Variants in EXOC4 observed in about 807,000 individuals in gnomAD.
EXOC4 encodes the protein SEC8-like 1.
In EXOC4, 71 loss-of-function variants were observed where a neutral mutation model predicts 107.2. The ratio of observed to expected loss-of-function variants is 0.66; its 90% confidence interval spans 0.55 to 0.81. The LOEUF is 0.81. EXOC4 is among the 30% of genes least tolerant of loss of function. The pLI, the probability that EXOC4 is intolerant of heterozygous loss-of-function variation, is 0.00. For missense variants in EXOC4, 1,108 were observed against 1,189.6 expected, an observed-to-expected ratio of 0.93 and a Z score of 1.01; for synonymous variants, 456 against 441.2, an observed-to-expected ratio of 1.03 and a Z score of -0.42.
In EXOC4 at chr7:133,817,909, C is replaced by G. The variant is rs1797413281; in HGVS notation, c.1734+365C>G. ...TTAACAGGAAGGAAGCTATGATGCCCAACTTCAATTACCAGCAGGAAACCC... is the reference window on the plus strand; with the variant it reads ...TTAACAGGAAGGAAGCTATGATGCCGAACTTCAATTACCAGCAGGAAACCC... On this transcript the variant is annotated intron_variant, in intron 11 of 17. Transcript: ENST00000253861. Among the ~76,000 whole-genome samples the G allele has an allele frequency of 2.0e-5, 3 of 152,108 alleles. No homozygotes were observed. The South Asian group carries it at 6.2e-4, about 32-fold the overall frequency.
chr7:133,681,501 C>T (rs1322956149), intron 10 of EXOC4, among the ~76,000 whole-genome samples: 1 of 152,158 alleles, frequency 6.6e-6, no homozygotes, highest in East Asian at 1.9e-4. Context: ...CGAAGCAAAG[C>T]AAATTCCTTA....
chr7:133,789,550 G>A (rs1233886469), intron 10 of EXOC4, among the ~76,000 whole-genome samples: 1 of 152,188 alleles, frequency 6.6e-6, no homozygotes. Flanking sequence ...GACTGGGTGA[G>A]GATTTGAAAG....
intron 17 of EXOC4, among the ~76,000 whole-genome samples, chr7:134,046,853 G>A (rs1416651675): frequency 6.6e-6 from 1 of 152,154 alleles, no homozygotes; most frequent in Non-Finnish European, 1.5e-5. Flanking sequence ...TCAGGGGAGT[G>A]GGGCGGGCTG....
At chr7:133,918,124 C>T (rs946871148) in intron 13 of EXOC4, among the ~76,000 whole-genome samples, 7 of 147,742 alleles carry the variant, frequency 4.7e-5, no homozygotes, top group Non-Finnish European at 7.4e-5. Flanking sequence ...CTGGGACTAC[C>T]GGTGCCCACC....
At chr7:133,588,724 C>G (rs1801466031) in intron 9 of EXOC4, among the ~76,000 whole-genome samples, 3 of 152,088 alleles carry the variant, frequency 2.0e-5, no homozygotes, top group Admixed American at 2.0e-4. Context: ...AAAACCCTGT[C>G]TCTACTAAAA....
intron 10 of EXOC4, among the ~76,000 whole-genome samples, chr7:133,812,175 C>T (rs1192882645): frequency 1.3e-5 from 2 of 152,080 alleles, no homozygotes; most frequent in African/African-American, 4.8e-5. Flanking sequence ...CAATATTTCA[C>T]ACTTTCCTCT....
At chr7:133,671,824 T>C (rs1359702956) in intron 10 of EXOC4, among the ~76,000 whole-genome samples, 1 of 152,078 alleles carries the variant, frequency 6.6e-6, no homozygotes, top group African/African-American at 2.4e-5. Flanking sequence ...ACAATGGAAA[T>C]GTAATTTCAG....
At chr7:133,861,693 C>G (rs374966436) in intron 11 of EXOC4, among the ~76,000 whole-genome samples, 37 of 152,146 alleles carry the variant, frequency 2.4e-4, no homozygotes, top group Admixed American at 2.0e-4. Flanking sequence ...GCCACCATGC[C>G]TGGCTAATTT....
At chr7:133,420,059 C>T (rs1438672434) in intron 7 of EXOC4, among the ~76,000 whole-genome samples, 6 of 145,118 alleles carry the variant, frequency 4.1e-5, no homozygotes, top group Admixed American at 2.1e-4. Flanking sequence ...CATGCTGGTG[C>T]GCTGCACCCA....
intron 9 of EXOC4, among the ~76,000 whole-genome samples, chr7:133,565,906 A>G (rs796651731): frequency 3.3e-5 from 5 of 152,306 alleles, no homozygotes; most frequent in African/African-American, 1.2e-4. Flanking sequence ...TATGTTGACA[A>G]TCATTTACAA....
At chr7:133,295,409 T>C (rs150704514) in intron 3 of EXOC4, among the ~76,000 whole-genome samples, 1 of 152,262 alleles carries the variant, frequency 6.6e-6, no homozygotes, top group East Asian at 1.9e-4. Flanking sequence ...ATTAAAAATA[T>C]GTTCATAGGG....
At chr7:133,392,809 A>G (rs892988282) in intron 7 of EXOC4, among the ~76,000 whole-genome samples, 1 of 152,194 alleles carries the variant, frequency 6.6e-6, no homozygotes, top group Non-Finnish European at 1.5e-5. Flanking sequence ...GTTCATTACA[A>G]ATGGTCTGTA....
the EXOC4 span, among the ~76,000 whole-genome samples, chr7:134,096,102 G>C: frequency 6.6e-6 from 1 of 152,026 alleles, no homozygotes; most frequent in Non-Finnish European, 1.5e-5. Context: ...GAACTTAATT[G>C]AACAAACAAA....
chr7:133,722,164 G>C (rs1168526321), intron 10 of EXOC4, among the ~76,000 whole-genome samples: 1 of 152,192 alleles, frequency 6.6e-6, no homozygotes, highest in Admixed American at 6.5e-5. Flanking sequence ...TGCTAAATAG[G>C]CTTTGCCCTG....
At chr7:133,593,915 A>T (rs767292165) in intron 9 of EXOC4, among the ~76,000 whole-genome samples, 1 of 152,234 alleles carries the variant, frequency 6.6e-6, no homozygotes, top group Non-Finnish European at 1.5e-5. Flanking sequence ...TTATGTAGTT[A>T]TGTGACAATG....
At chr7:133,295,575 G>C (rs528230626) in intron 3 of EXOC4, among the ~76,000 whole-genome samples, 1 of 152,256 alleles carries the variant, frequency 6.6e-6, no homozygotes, top group East Asian at 1.9e-4. Flanking sequence ...TTTGTCGTCA[G>C]AACATTTTAG....
intron 14 of EXOC4, among the ~76,000 whole-genome samples, chr7:133,941,118 C>T (rs1800417778): frequency 6.6e-6 from 1 of 151,868 alleles, no homozygotes; most frequent in Non-Finnish European, 1.5e-5. Context: ...CTGCCTCAGC[C>T]TCCCTAGTAA....
At chr7:133,589,301 G>A (rs543696206) in intron 9 of EXOC4, among the ~76,000 whole-genome samples, 4 of 152,228 alleles carry the variant, frequency 2.6e-5, no homozygotes, top group African/African-American at 4.8e-5. Context: ...AGATGGTATC[G>A]TTCTTTGGCC....
chr7:133,452,007 T>C (rs928352690), intron 7 of EXOC4, among the ~76,000 whole-genome samples: 1 of 152,186 alleles, frequency 6.6e-6, no homozygotes, highest in Non-Finnish European at 1.5e-5. Flanking sequence ...AATTGTACGG[T>C]TCAGTAGTGT....
Sources: gnomAD v4.1 joint callset for allele counts (sites outside exome capture counted in the v4.1 genomes callset) on GRCh38, gnomAD v4.1.1 for gene constraint, MANE v1.5 for transcripts, NCBI Gene and HGNC (gene_info 2026-07-23, HGNC 2026-07-21) for gene names.